The following RNF6 variants were observed in gnomAD, a reference collection of about 807,000 sequenced individuals.
RNF6 encodes the protein ring finger protein 6.
RNF6 carries 21 observed loss-of-function variants against 50.1 expected under a neutral mutation model. The ratio of observed to expected loss-of-function variants is 0.42; its 90% CI spans 0.30 to 0.60. The LOEUF (loss-of-function observed/expected upper bound fraction) is 0.60, where lower values mean the gene tolerates loss of function less well. Among genes scored for constraint, RNF6 ranks in the 20% least tolerant of loss-of-function variants. The probability of loss-of-function intolerance (pLI) is 0.20; values close to 1 mark genes in which losing one functional copy is unlikely to be tolerated. For synonymous variants in RNF6, 255 were observed against 291.8 expected (o/e 0.87, Z 1.29); for missense variants, 698 against 838.2 (o/e 0.83, Z 2.07).
At chr13:26,144,946 T>C (rs1593145066) in intron 5 of RNF6, 1 of 152,214 alleles carries the variant, frequency 6.6e-6, no homozygotes, top group Non-Finnish European at 1.5e-5. Context: ...CCAGTCAGCA[T>C]AATGTCTTCA....
At chr13:26,178,749 A>G (rs538810819) in intron 5 of RNF6, among the ~76,000 whole-genome samples, 2 of 152,120 alleles carry the variant, frequency 1.3e-5, no homozygotes, top group East Asian at 3.9e-4. Context: ...ATTCATTTGC[A>G]TAACCAAAAC....
rs370744849 is a variant in RNF6 at position 26,153,048 on chromosome 13, G to A, written n.769-20597C>T. ...CTCGCCTGTAGTCCCGGCTACTTAC[G>A]AGGCTGAGGCAGGAGAATTGCTTGA... On this transcript the variant is annotated intron_variant and non_coding_transcript_variant, in intron 5 of 5. Transcript: ENST00000468480. Among the ~76,000 whole-genome samples the A allele has an allele frequency of 2.6e-4, 39 of 151,916 alleles. 1 individual carries two copies. The South Asian group carries it at 7.7e-3, about 30-fold the overall frequency.
At chr13:26,141,836 C>A (rs2137557417) in intron 5 of RNF6, among the ~76,000 whole-genome samples, 1 of 152,080 alleles carries the variant, frequency 6.6e-6, no homozygotes, top group South Asian at 2.1e-4. Flanking sequence ...GAATTTATGA[C>A]CAAAGAATTT....
At chr13:26,186,272 A>G (rs1873518330) in intron 5 of RNF6, among the ~76,000 whole-genome samples, 1 of 152,264 alleles carries the variant, frequency 6.6e-6, no homozygotes, top group Non-Finnish European at 1.5e-5. Context: ...GAAATCTGAC[A>G]CATCTGGAGT....
Position 26,181,003 on chromosome 13 carries a change from C to T in RNF6, n.768+34471G>A, listed in dbSNP as rs114365565. 3.5e-3 allele frequency among the ~76,000 whole-genome samples: 536 copies of T among 152,294 alleles called. 3 individuals are homozygous for T. Among genetic ancestry groups the T allele is most frequent in the African/African-American group, 0.012 (504 of 41,560 alleles). On this transcript the variant is annotated intron_variant and non_coding_transcript_variant, in intron 5 of 5. Coordinates refer to the RNF6 transcript ENST00000468480. Reference sequence around the variant, plus strand: ...TGCTGGCTGTCCAGGTATTGTAACCCAGTCTGTTTGTCCAGTCCTGAGGTT... The same window carrying T: ...TGCTGGCTGTCCAGGTATTGTAACCTAGTCTGTTTGTCCAGTCCTGAGGTT...
chr13:26,152,921 G>A (rs1175220387), intron 5 of RNF6, among the ~76,000 whole-genome samples: 3 of 152,076 alleles, frequency 2.0e-5, no homozygotes, highest in Non-Finnish European at 4.4e-5. Flanking sequence ...TTGGGAGGCC[G>A]AGGCGGGCGG....
intron 5 of RNF6, among the ~76,000 whole-genome samples, chr13:26,159,925 G>A (rs1433248532): frequency 2.0e-5 from 3 of 152,018 alleles, no homozygotes; most frequent in Non-Finnish European, 4.4e-5. Flanking sequence ...CAACATACAA[G>A]AATACTTAAA....
chr13:26,202,827 G>T (rs1327694029), intron 5 of RNF6, among the ~76,000 whole-genome samples: 1 of 152,236 alleles, frequency 6.6e-6, no homozygotes, highest in Non-Finnish European at 1.5e-5. Flanking sequence ...GTACCTCAAG[G>T]CTAAGGCAAA....
intron 4 of RNF6, among the ~76,000 whole-genome samples, chr13:26,216,576 A>G (rs1011120290): frequency 1.3e-5 from 2 of 152,204 alleles, no homozygotes; most frequent in Non-Finnish European, 2.9e-5. Context: ...TAACCAGTAG[A>G]TATTATATAA....
At chr13:26,190,469 G>A (rs1020127878) in intron 5 of RNF6, among the ~76,000 whole-genome samples, 1 of 152,128 alleles carries the variant, frequency 6.6e-6, no homozygotes, top group Non-Finnish European at 1.5e-5. Context: ...TGTGACTTCT[G>A]ACAGATGCTT....
At chr13:26,168,472 AG>A (rs1872545810) in intron 5 of RNF6, among the ~76,000 whole-genome samples, 1 of 152,232 alleles carries the variant, frequency 6.6e-6, no homozygotes, top group Non-Finnish European at 1.5e-5. Flanking sequence ...GTTTTTGGGC[AG>A]GGGTAGGACC....
chr13:26,150,032 A>G (rs1288710654), intron 5 of RNF6, among the ~76,000 whole-genome samples: 1 of 102,234 alleles, frequency 9.8e-6, no homozygotes, highest in Non-Finnish European at 2.1e-5. Context: ...ATATATACAC[A>G]GTGTATATAT....
At chr13:26,163,101 G>A (rs1157922364) in intron 5 of RNF6, among the ~76,000 whole-genome samples, 2 of 151,964 alleles carry the variant, frequency 1.3e-5, no homozygotes, top group East Asian at 1.9e-4. Context: ...ACGAGGTCAG[G>A]AGATCGAGAC....
intron 5 of RNF6, among the ~76,000 whole-genome samples, chr13:26,184,932 C>T (rs544645244): frequency 1.3e-5 from 2 of 152,286 alleles, no homozygotes; most frequent in South Asian, 4.1e-4. Context: ...ACCTAGTGAG[C>T]TCCAAAGTGC....
chr13:26,150,328 C>T (rs902402317), intron 5 of RNF6, among the ~76,000 whole-genome samples: 1 of 151,894 alleles, frequency 6.6e-6, no homozygotes, highest in African/African-American at 2.4e-5. Flanking sequence ...GGTTGAAGCT[C>T]GCGAATAACG....
At chr13:26,187,273 G>C (rs1056060039) in intron 5 of RNF6, among the ~76,000 whole-genome samples, 5 of 143,046 alleles carry the variant, frequency 3.5e-5, no homozygotes, top group African/African-American at 4.9e-5. Flanking sequence ...CGAATAGAAA[G>C]GGGGAAAGCC....
At chr13:26,169,273 A>G (rs966534134) in intron 5 of RNF6, among the ~76,000 whole-genome samples, 1 of 152,134 alleles carries the variant, frequency 6.6e-6, no homozygotes, top group Non-Finnish European at 1.5e-5. Context: ...GATGAGAAAG[A>G]AGCCAGGCTT....
At chr13:26,193,934 T>A (rs547616601) in intron 5 of RNF6, among the ~76,000 whole-genome samples, 37 of 152,198 alleles carry the variant, frequency 2.4e-4, no homozygotes, top group Non-Finnish European at 1.5e-4. Context: ...TTATTTCTAT[T>A]TTCTTAGTGA....
intron 5 of RNF6, among the ~76,000 whole-genome samples, chr13:26,144,057 C>A (rs1311976333): frequency 2.0e-5 from 3 of 152,130 alleles, no homozygotes; most frequent in Admixed American, 1.3e-4. Context: ...AAGTAGATTG[C>A]AGATCACCAT....
Sources: allele counts gnomAD v4.1 joint callset (sites outside exome capture counted in the v4.1 genomes callset), GRCh38; gene constraint gnomAD v4.1.1; transcripts MANE v1.5; gene names NCBI Gene and HGNC (gene_info 2026-07-23, HGNC 2026-07-21).